USP5: variants seen among roughly 807,000 people sequenced by gnomAD.
USP5 encodes the protein ubiquitin specific peptidase 5.
USP5 carries 24 observed loss-of-function variants against 102.5 expected under a neutral mutation model. The ratio of observed to expected loss-of-function variants is 0.23; its 90% confidence interval spans 0.17 to 0.33. USP5 has a LOEUF of 0.33. Ranked by LOEUF, USP5 falls within the 10% of genes least tolerant of loss-of-function variation. The pLI is 1.00. For missense variants in USP5, 753 were observed against 1,122.1 expected (o/e 0.67, Z 4.70); for synonymous variants, 460 against 434.8 (o/e 1.06, Z -0.72).
At position 6,860,539 on chromosome 12, in the gene USP5, G is replaced by T. The variant is rs782813400; in HGVS notation, c.1344+48G>T. 1 of 1,608,300 alleles carries T rather than the reference G, an allele frequency of 6.2e-7. No individual in the cohort carries two copies. Among genetic ancestry groups the T allele is most frequent in the African/African-American group, 1.3e-5 (1 of 74,976 alleles). ...ACCCCCATCTTCCTGCAATTTACTC[G>T]CTCTCCTTCCTGCCCATTTCTCCCT... On this transcript the variant is annotated intron_variant, in intron 11 of 19. Transcript: ENST00000229268. This position sits in a 1 kb window ranked among gnomAD's most constrained non-coding sequence, Gnocchi z 5.5.
Position 6,860,819 on chromosome 12 carries a change from G to A in USP5, c.1345-134G>A, listed in dbSNP as rs1466770738. 7.4e-7 allele frequency: 1 copy of A among 1,342,554 alleles called. No individual in the cohort carries two copies. The highest frequency in any genetic ancestry group is 1.0e-6 in the Non-Finnish European group (1 of 972,476). The allele number at this position is 1,342,554 out of a possible 1,614,324, so 83.2% of individuals were successfully genotyped here. On this transcript the variant is annotated intron_variant, in intron 11 of 19. Transcript: ENST00000229268. The surrounding 1 kb of genome is among the most constrained non-coding windows in gnomAD (Gnocchi z 5.5). ...GGGAGGGGTTGGTGAATTAGGGAAG[G>A]TTTCTGCTCTGCTCTTGTGTCCCTG...
chr12:6,866,126 A>C lies in USP5; in HGVS notation c.*49A>C. The C allele has an allele frequency of 1.3e-6, 2 of 1,548,246 alleles. No individual in the cohort carries two copies. The highest frequency in any genetic ancestry group is 1.8e-6 in the Non-Finnish European group (2 of 1,120,634). ...TGAGGGCAGGGGAAGACCACCTGGC[A>C]TGAGGGAGAGGGGCTGAGGGATGGA... On this transcript the variant is annotated 3_prime_UTR_variant, in exon 20 of 20. Coordinates refer to ENST00000229268, the MANE Select transcript of USP5 (RefSeq NM_001098536.2). This position sits in a 1 kb window ranked among gnomAD's most constrained non-coding sequence, Gnocchi z 4.7.
At chr12:6,854,595 A>AG (rs1392708191) in intron 1 of USP5, among the ~76,000 whole-genome samples, 6 of 151,378 alleles carry the variant, frequency 4.0e-5, no homozygotes, top group African/African-American at 1.2e-4. Flanking sequence ...CACCTCTAAA[A>AG]AAAAAAAAAA....
rs1451378189 is a variant in USP5, at chr12:6,860,021, T to C, written c.1131-130T>C. ...ACGTGTTGTCTGTCTTGAGCTGGGT[T>C]CCTGTAGAATCTAAGGTTTTTCACG... On this transcript the variant is annotated intron_variant, in intron 9 of 19. Transcript: ENST00000229268. This position sits in a 1 kb window ranked among gnomAD's most constrained non-coding sequence, Gnocchi z 5.5. The C allele has an allele frequency of 2.1e-6, 2 of 972,948 alleles. No homozygotes were observed. Among genetic ancestry groups the C allele is most frequent in the East Asian group, 5.1e-5 (2 of 39,568 alleles). 60.3% of individuals were successfully genotyped at this position (972,948 alleles called of 1,614,324 possible).
rs781802636 is a variant in USP5 at position 6,864,457 on chromosome 12, A to C, written c.2244+262A>C. On this transcript the variant is annotated intron_variant, in intron 17 of 19. Coordinates refer to ENST00000229268, the MANE Select transcript of USP5 (RefSeq NM_001098536.2). The surrounding 1 kb of genome is among the most constrained non-coding windows in gnomAD (Gnocchi z 4.8). ...GTAATCCCAGCACTTTGGGAGGGTG[A>C]GGTGGGCGGATCACGCGGTCAGCAG... Among the ~76,000 whole-genome samples the C allele has an allele frequency of 1.5e-4, 23 of 152,304 alleles. No homozygotes were observed. Among genetic ancestry groups the C allele is most frequent in the Middle Eastern group, 3.4e-3 (1 of 294 alleles).
intron 9 of USP5, among the ~76,000 whole-genome samples, 179 bp from the exon 10 acceptor site, chr12:6,859,972 A>G (rs782226684): frequency 3.1e-4 from 47 of 152,134 alleles, no homozygotes; most frequent in African/African-American, 1.0e-3. Context: ...GCCTATTAGG[A>G]GCATTCGGGT....
At chr12:6,854,985 C>G (rs932711010) in intron 1 of USP5, among the ~76,000 whole-genome samples, 10 of 152,110 alleles carry the variant, frequency 6.6e-5, no homozygotes, top group Non-Finnish European at 1.2e-4. Flanking sequence ...TGAATGTAAT[C>G]TCCAGCACTG....
Position 6,863,757 on chromosome 12 carries a change from G to T in USP5, c.1955-73G>T. ...GGAATGGGTGATTGGAAGAGGGCTG[G>T]GTCCTGGGGGAGGGAGGAGGAGCAA... On this transcript the variant is annotated intron_variant, in intron 15 of 19. Coordinates refer to ENST00000229268, the MANE Select transcript of USP5 (RefSeq NM_001098536.2). The surrounding 1 kb of genome is among the most constrained non-coding windows in gnomAD (Gnocchi z 4.7). 1 of 1,499,790 alleles carries T rather than the reference G, an allele frequency of 6.7e-7. No homozygotes were observed. The highest frequency in any genetic ancestry group is 8.9e-7 in the Non-Finnish European group (1 of 1,123,646). The allele number at this position is 1,499,790 out of a possible 1,614,324, so 92.9% of individuals were successfully genotyped here.
intron 1 of USP5, among the ~76,000 whole-genome samples, chr12:6,854,159 G>A (rs1944038311): frequency 1.3e-5 from 2 of 152,200 alleles, no homozygotes; most frequent in South Asian, 4.1e-4. Flanking sequence ...CTGTTTTCAC[G>A]GGTTATGTGT....
At position 6,855,945 on chromosome 12, in the gene USP5, G is replaced by A. The variant is rs1555128115; in HGVS notation, c.305-72G>A. The A allele has an allele frequency of 6.2e-7, 1 of 1,606,582 alleles. No individual in the cohort carries two copies. The highest frequency in any genetic ancestry group is 8.5e-7 in the Non-Finnish European group (1 of 1,174,554). On this transcript the variant is annotated intron_variant, in intron 3 of 19. Coordinates refer to ENST00000229268, the MANE Select transcript of USP5 (RefSeq NM_001098536.2). This position sits in a 1 kb window ranked among gnomAD's most constrained non-coding sequence, Gnocchi z 4.6. ...TAGAACTCTGGATGGGGCAAGTGAG[G>A]TGCTGGCTCGGAGGAGGGACATTGA...
chr12:6,860,439 A>G lies in USP5; in HGVS notation c.1292A>G (p.Asn431Ser), dbSNP rs1482825317. ...AAGGGCCACCCTGAATTCTCCACCA[A>G]CCGGCAGCAGGATGCCCAGGAGTTC... ...IGKGHPEFST[N>S]RQQDAQEFFL... Residue 431 changes from asparagine to serine, a missense_variant, in exon 11 of 20, where the codon AAC becomes AGC. Asn to Ser is a conservative substitution (Grantham distance 46). Around this residue, in one of 3 missense-constraint regions of USP5, gnomAD observed 527 missense variants for 816.5 expected, o/e 0.65. Coordinates refer to ENST00000229268, the MANE Select transcript of USP5 (RefSeq NM_001098536.2). This position sits in a 1 kb window ranked among gnomAD's most constrained non-coding sequence, Gnocchi z 5.5. The G allele has an allele frequency of 5.0e-6, 8 of 1,613,962 alleles. No homozygotes were observed. In the Admixed American group the frequency reaches 6.7e-5, roughly 13 times the overall value.
Position 6,860,235 on chromosome 12 carries a change from G to A in USP5, c.1215G>A (p.Gln405=). Residue 405 remains glutamine (Q), a synonymous_variant, in exon 10 of 20, where the codon CAG becomes CAA. Transcript: ENST00000229268. This position sits in a 1 kb window ranked among gnomAD's most constrained non-coding sequence, Gnocchi z 5.5. ...ESGDGERVPE[Q]KEVQDGIAPR... ...GCGATGGGGAGCGGGTGCCAGAACA[G>A]AAGGTGCGTCTAGGACCCTGTCCCT... The A allele has an allele frequency of 6.2e-7, 1 of 1,609,548 alleles. No homozygotes were observed. The highest frequency in any genetic ancestry group is 8.5e-7 in the Non-Finnish European group (1 of 1,178,678).
chr12:6,862,095 T>C (rs1555129684), intron 13 of USP5, among the ~76,000 whole-genome samples: 1 of 151,764 alleles, frequency 6.6e-6, no homozygotes, highest in African/African-American at 2.4e-5. Flanking sequence ...TTTTTTTTTT[T>C]TCTATGTGTG....
chr12:6,852,218 A>C lies in USP5; in HGVS notation c.39A>C (p.Leu13Phe), dbSNP rs1591601466. The change falls in exon 1 of 20, where the codon TTA becomes TTC. Residue 13 changes from leucine to phenylalanine, a missense_variant. By Grantham distance (22) the Leu-to-Phe change is conservative. Coordinates refer to ENST00000229268, the MANE Select transcript of USP5 (RefSeq NM_001098536.2). Reference protein sequence around the residue: ...ELSEEALLSVLPTIRVPKAGD... With the variant: ...ELSEEALLSVFPTIRVPKAGD... ...GTGAGGAGGCGCTGCTGTCAGTATT[A>C]CCGACGATCCGGGTCCCTAAGGCTG... 1 of 1,613,132 alleles carries C rather than the reference A, an allele frequency of 6.2e-7. No homozygotes were observed. Among genetic ancestry groups the C allele is most frequent in the Non-Finnish European group, 8.5e-7 (1 of 1,179,712 alleles).
At position 6,858,230 on chromosome 12, in the gene USP5, G is replaced by A. The variant is rs550929369; in HGVS notation, c.865-194G>A. On this transcript the variant is annotated intron_variant, in intron 7 of 19. Transcript: ENST00000229268. The surrounding 1 kb of genome is among the most constrained non-coding windows in gnomAD (Gnocchi z 4.2). ...TCAAGCAGAGGCCCTGATGACTAAC[G>A]GGCCTCTGGGACAATTATGTGTGGC... Among the ~76,000 whole-genome samples, 5 of 152,162 alleles carry A rather than the reference G, an allele frequency of 3.3e-5. No individual in the cohort carries two copies. Among genetic ancestry groups the A allele is most frequent in the Non-Finnish European group, 5.9e-5 (4 of 68,028 alleles).
rs1555128615 is a variant in USP5, at chr12:6,857,625, C to T, written c.770-4C>T. The stretch of plus-strand genomic sequence containing the variant: ...CCTGATTCTCTTCCTGCCTCCTGCT[C>T]TAGACGTGTACTCATATGATGAGGA... On this transcript the variant is annotated splice_region_variant and splice_polypyrimidine_tract_variant and intron_variant, in intron 6 of 19. Transcript: ENST00000229268. 2 of 1,613,252 alleles carry T rather than the reference C, an allele frequency of 1.2e-6. No homozygotes were observed. Among genetic ancestry groups the T allele is most frequent in the Non-Finnish European group, 1.7e-6 (2 of 1,179,778 alleles).
At position 6,864,295 on chromosome 12, in the gene USP5, G is replaced by A. The variant is rs782409281; in HGVS notation, c.2244+100G>A. 2 of 1,458,816 alleles carry A rather than the reference G, an allele frequency of 1.4e-6. No homozygotes were observed. Among genetic ancestry groups the A allele is most frequent in the East Asian group, 2.4e-5 (1 of 41,814 alleles). 90.4% of individuals were successfully genotyped at this position (1,458,816 alleles called of 1,614,324 possible). A position where few individuals can be genotyped will look rare whatever the true frequency, so the allele number is the denominator to read the frequency against. On this transcript the variant is annotated intron_variant, in intron 17 of 19. Transcript: ENST00000229268. The surrounding 1 kb of genome is among the most constrained non-coding windows in gnomAD (Gnocchi z 4.8). ...AGCAAGACCAAAGACAACAGGTGTG[G>A]TCTGGCCGAGGTTGGGCACCACTCT...
In USP5 at chr12:6,856,984, T is replaced by C. The variant is rs1944135115; in HGVS notation, c.769+93T>C. 6.9e-7 allele frequency: 1 copy of C among 1,454,788 alleles called. No homozygotes were observed. The highest frequency in any genetic ancestry group is 1.4e-5 in the African/African-American group (1 of 70,568). 90.1% of individuals were successfully genotyped at this position (1,454,788 alleles called of 1,614,324 possible). On this transcript the variant is annotated intron_variant, in intron 6 of 19. Coordinates refer to ENST00000229268, the MANE Select transcript of USP5 (RefSeq NM_001098536.2). The surrounding 1 kb of genome is among the most constrained non-coding windows in gnomAD (Gnocchi z 5.6). ...ACATGTATAATACATGAATGCATTATCTTGATAAGAAAGGAAAGTAGTCAG... is the reference window on the plus strand; with the variant it reads ...ACATGTATAATACATGAATGCATTACCTTGATAAGAAAGGAAAGTAGTCAG...
At chr12:6,854,977 A>G (rs1476042222) in intron 1 of USP5, among the ~76,000 whole-genome samples, 1 of 151,942 alleles carries the variant, frequency 6.6e-6, no homozygotes, top group African/African-American at 2.4e-5. Context: ...TTTCCCTTTG[A>G]ATGTAATCTC....
Sources: allele counts gnomAD v4.1 joint callset (sites outside exome capture counted in the v4.1 genomes callset), GRCh38; gene constraint gnomAD v4.1.1; regional missense constraint gnomAD v4.1.1; non-coding constraint Gnocchi (gnomAD v3.1); transcripts MANE v1.5; gene names NCBI Gene and HGNC (gene_info 2026-07-23, HGNC 2026-07-21).